Variants in RTN4R observed in about 807,000 individuals in gnomAD.
RTN4R encodes reticulon 4 receptor.
A neutral mutation model predicts 27.7 loss-of-function variants in RTN4R; 4 were observed. That is an observed-to-expected ratio of 0.14 (90% CI 0.07 to 0.33). The LOEUF is 0.33. RTN4R is among the 10% of genes least tolerant of loss of function. RTN4R has a pLI of 1.00. For synonymous variants in RTN4R, 290 were observed against 305.6 expected (o/e 0.95, Z 0.53); for missense variants, 554 against 671.5 (o/e 0.83, Z 1.93).
Position 20,241,659 on chromosome 22 carries a change from C to T in RTN4R, c.*52G>A. On this transcript the variant is annotated 3_prime_UTR_variant, in exon 2 of 2. Transcript: ENST00000043402. ...CTGGCTTGGCGGCGTGGAGAGAGAC[C>T]CCGTATGTACACACACCTGGCTGCT... 2 of 1,542,554 alleles carry T rather than the reference C, an allele frequency of 1.3e-6. No individual in the cohort carries two copies. Among genetic ancestry groups the T allele is most frequent in the Non-Finnish European group, 1.8e-6 (2 of 1,142,158 alleles).
At chr22:20,247,281 T>C (rs1292811067) in intron 1 of RTN4R, among the ~76,000 whole-genome samples, 1 of 152,140 alleles carries the variant, frequency 6.6e-6, no homozygotes, top group South Asian at 2.1e-4. Context: ...ACACCAGCCA[T>C]GTCCCCGTCA....
intron 1 of RTN4R, among the ~76,000 whole-genome samples, chr22:20,250,373 T>G (rs2051168724): frequency 6.6e-6 from 1 of 152,256 alleles, no homozygotes; most frequent in Admixed American, 6.5e-5. Context: ...ACACACTGTG[T>G]GGCCCACAAA....
rs747093441 is a variant in RTN4R at position 20,241,440 on chromosome 22, G to A, written c.*271C>T. On this transcript the variant is annotated 3_prime_UTR_variant, in exon 2 of 2. Transcript: ENST00000043402. ...TTAAGAAAAGAGCTCTTTATTCCAC[G>A]TCGTCCGATATTTTTACACAAGTAA... 5.1e-5 allele frequency: 27 copies of A among 529,020 alleles called. No individual in the cohort carries two copies. The highest frequency in any genetic ancestry group is 7.4e-5 in the Non-Finnish European group (22 of 296,558). The allele number at this position is 529,020 out of a possible 1,614,324, so 32.8% of individuals were successfully genotyped here. A position where few individuals can be genotyped will look rare whatever the true frequency, so the allele number is the denominator to read the frequency against.
chr22:20,264,583 C>T lies in RTN4R; in HGVS notation c.22+3488G>A, dbSNP rs552137787. Among the ~76,000 whole-genome samples, 390 of 152,310 alleles carry T rather than the reference C, an allele frequency of 2.6e-3. 1 individual carries two copies. The highest frequency in any genetic ancestry group is 9.1e-3 in the African/African-American group (377 of 41,574). ...AGGAACGAACGAGTGAATGAATGAA[C>T]AAATGAGAAAGTGAATGGATGGTTG... On this transcript the variant is annotated intron_variant, in intron 1 of 1. Coordinates refer to ENST00000043402, the MANE Select transcript of RTN4R (RefSeq NM_023004.6).
At chr22:20,249,869 T>C (rs1351885093) in intron 1 of RTN4R, among the ~76,000 whole-genome samples, 1 of 152,236 alleles carries the variant, frequency 6.6e-6, no homozygotes. Context: ...CTGAGGCTCT[T>C]GCCGGCTTGT....
chr22:20,262,113 C>T (rs2051251236), intron 1 of RTN4R, among the ~76,000 whole-genome samples: 1 of 152,120 alleles, frequency 6.6e-6, no homozygotes, highest in Non-Finnish European at 1.5e-5. Flanking sequence ...AGGGGATGGA[C>T]CGGGAGACAG....
In RTN4R at chr22:20,241,485, T is replaced by C; in HGVS notation, c.*226A>G. The C allele has an allele frequency of 1.7e-6, 1 of 591,548 alleles. No homozygotes were observed. The highest frequency in any genetic ancestry group is 3.0e-6 in the Non-Finnish European group (1 of 330,830). 36.6% of individuals were successfully genotyped at this position (591,548 alleles called of 1,614,324 possible). ...AAGTAAAATAAAATGCATATCTCTA[T>C]ATACCGCGATCTGGGTGGGAGGCGG... On this transcript the variant is annotated 3_prime_UTR_variant, in exon 2 of 2. Transcript: ENST00000043402.
rs1182674157 is a variant in RTN4R, at chr22:20,241,707, G to A, written c.*4C>T. On this transcript the variant is annotated 3_prime_UTR_variant, in exon 2 of 2. Transcript: ENST00000043402. ...GCTGAGCACGCTCTTGTGTCCGCTG[G>A]GGGTCAGCAGGGCCCAAGCACTGTC... 1 of 1,549,502 alleles carries A rather than the reference G, an allele frequency of 6.5e-7. No homozygotes were observed. The highest frequency in any genetic ancestry group is 1.2e-5 in the South Asian group (1 of 84,074).
chr22:20,266,221 C>T (rs530190525), intron 1 of RTN4R, among the ~76,000 whole-genome samples: 1 of 152,324 alleles, frequency 6.6e-6, no homozygotes, highest in South Asian at 2.1e-4. Flanking sequence ...GTATGTTTCA[C>T]CCTCACACAA....
intron 1 of RTN4R, chr22:20,243,653 A>C: frequency 2.4e-6 from 1 of 411,250 alleles, no homozygotes; most frequent in Non-Finnish European, 5.1e-6. Flanking sequence ...GCGTCCCACA[A>C]CCACCCAGGC....
intron 1 of RTN4R, among the ~76,000 whole-genome samples, chr22:20,265,285 G>A (rs1204793238): frequency 6.6e-6 from 1 of 152,222 alleles, no homozygotes; most frequent in African/African-American, 2.4e-5. Context: ...CAGCCTGCCT[G>A]TCACTCACAG....
At chr22:20,254,808 A>T (rs758325376) in intron 1 of RTN4R, among the ~76,000 whole-genome samples, 1 of 152,136 alleles carries the variant, frequency 6.6e-6, no homozygotes, top group African/African-American at 2.4e-5. Context: ...TGAGACCCCA[A>T]TAGAAGCCCT....
intron 1 of RTN4R, among the ~76,000 whole-genome samples, chr22:20,257,039 G>A (rs1036880046): frequency 6.6e-6 from 1 of 152,224 alleles, no homozygotes; most frequent in African/African-American, 2.4e-5. Context: ...CTGGTGACCC[G>A]CATACAGGAG....
At chr22:20,250,854 T>C (rs889625564) in intron 1 of RTN4R, among the ~76,000 whole-genome samples, 10 of 135,742 alleles carry the variant, frequency 7.4e-5, no homozygotes, top group South Asian at 2.4e-4. Flanking sequence ...CACACATGCA[T>C]GCACACACAC....
At chr22:20,249,101 CA>C (rs773689679) in intron 1 of RTN4R, 17 of 533,324 alleles carry the variant, frequency 3.2e-5, no homozygotes, top group Non-Finnish European at 6.5e-5. Context: ...CAGGAGCCAA[CA>C]AACACCTGCT....
chr22:20,256,130 G>A (rs890186140), intron 1 of RTN4R, among the ~76,000 whole-genome samples: 2 of 152,190 alleles, frequency 1.3e-5, no homozygotes, highest in Non-Finnish European at 2.9e-5. Flanking sequence ...AGGCTGATGC[G>A]CCGCCCCACT....
chr22:20,249,980 G>C (rs1225095445), intron 1 of RTN4R, among the ~76,000 whole-genome samples: 2 of 152,190 alleles, frequency 1.3e-5, no homozygotes, highest in Non-Finnish European at 2.9e-5. Flanking sequence ...ATTAGAAACT[G>C]AGCTGGGGGC....
In RTN4R at chr22:20,243,211, A is replaced by G. The variant is rs918564732; in HGVS notation, c.23-101T>C. On this transcript the variant is annotated intron_variant, in intron 1 of 1. Coordinates refer to ENST00000043402, the MANE Select transcript of RTN4R (RefSeq NM_023004.6). Reference sequence around the variant, plus strand: ...TGGGCCCCGGAGATTGGGTCTCAGGAGGACCTGGGGCTGGGTCCAAGATGT... The same window carrying G: ...TGGGCCCCGGAGATTGGGTCTCAGGGGGACCTGGGGCTGGGTCCAAGATGT... 3.2e-6 allele frequency: 4 copies of G among 1,233,172 alleles called. No homozygotes were observed. In the African/African-American group the frequency reaches 6.0e-5, roughly 18 times the overall value. 76.4% of individuals were successfully genotyped at this position (1,233,172 alleles called of 1,614,324 possible).
chr22:20,244,669 G>A (rs893405806), intron 1 of RTN4R, among the ~76,000 whole-genome samples: 10 of 152,126 alleles, frequency 6.6e-5, no homozygotes, highest in Non-Finnish European at 1.2e-4. Context: ...ACTCTTCCTA[G>A]GAAGGTGGGG....
Sources: allele counts gnomAD v4.1 joint callset (sites outside exome capture counted in the v4.1 genomes callset), GRCh38; gene constraint gnomAD v4.1.1; transcripts MANE v1.5; gene names NCBI Gene and HGNC (gene_info 2026-07-23, HGNC 2026-07-21).